Variants in TDRD12 observed in about 807,000 individuals in gnomAD.
TDRD12 encodes tudor domain containing 12.
TDRD12 carries 158 observed loss-of-function variants against 133.5 expected under a neutral mutation model. The observed-to-expected ratio is 1.18, with a 90% confidence interval of 1.04 to 1.35. The LOEUF (loss-of-function observed/expected upper bound fraction) is 1.35. Ranked by LOEUF, TDRD12 falls within the 40% of genes most tolerant of loss-of-function variation. TDRD12 has a pLI of 0.00. For synonymous variants in TDRD12, 460 were observed against 477.9 expected (o/e 0.96, Z 0.49); for missense variants, 1,443 against 1,321.3 (o/e 1.09, Z -1.43).
intron 3 of TDRD12, 121 bp downstream of exon 3, chr19:32,739,113 G>A: frequency 8.2e-7 from 1 of 1,216,944 alleles, no homozygotes; most frequent in Non-Finnish European, 1.1e-6. Flanking sequence ...CAAAACTGGA[G>A]TTCTTTAGCT....
chr19:32,803,934 C>T (rs1284655074), intron 21 of TDRD12, among the ~76,000 whole-genome samples: 6 of 152,008 alleles, frequency 3.9e-5, no homozygotes, highest in African/African-American at 7.2e-5. Flanking sequence ...CTTGGTTTGT[C>T]GGGGGGAGTA....
At chr19:32,822,032 G>A (rs1213551671), downstream of TDRD12, among the ~76,000 whole-genome samples, 5 of 152,058 alleles carry the variant, frequency 3.3e-5, no homozygotes, top group African/African-American at 1.2e-4. Context: ...AAGGTGGGAG[G>A]ATCAATTGAA....
At chr19:32,728,262 G>A (rs1968921488) in intron 1 of TDRD12, among the ~76,000 whole-genome samples, 1 of 152,074 alleles carries the variant, frequency 6.6e-6, no homozygotes, top group Admixed American at 6.6e-5. Flanking sequence ...GATTTCATGT[G>A]AATTTTAGAA....
At chr19:32,721,688 T>TTATGTTATGTTATGTTATG (rs1568440272) in intron 1 of TDRD12, among the ~76,000 whole-genome samples, 1 of 140,328 alleles carries the variant, frequency 7.1e-6, no homozygotes, top group African/African-American at 2.7e-5. Context: ...CCTATTTTAT[T>TTATGTTATGTTATGTTATG]TTATTTTATT....
At chr19:32,742,941 G>A (rs1339191071) in intron 4 of TDRD12, 41 bp downstream of exon 4, 8 of 1,547,940 alleles carry the variant, frequency 5.2e-6, no homozygotes, top group Non-Finnish European at 5.2e-6. Flanking sequence ...ATTAGTAAAA[G>A]CCTTCTATCA....
chr19:32,723,760 G>A (rs1465503511), intron 1 of TDRD12, among the ~76,000 whole-genome samples: 1 of 151,046 alleles, frequency 6.6e-6, no homozygotes, highest in African/African-American at 2.4e-5. Context: ...TACTTATTTA[G>A]ATCTTTCATT....
intron 11 of TDRD12, among the ~76,000 whole-genome samples, chr19:32,780,084 CTT>C (rs11395360): frequency 7.8e-5 from 10 of 127,746 alleles, no homozygotes; most frequent in Admixed American, 1.7e-4. Flanking sequence ...TTTTTCTTTT[CTT>C]TTTTTTTTTT....
At chr19:32,803,551 T>C (rs914628538) in intron 21 of TDRD12, among the ~76,000 whole-genome samples, 13 of 152,318 alleles carry the variant, frequency 8.5e-5, no homozygotes, top group African/African-American at 2.4e-4. Flanking sequence ...GCTATGATGT[T>C]TGAAGCTGTT....
chr19:32,819,717 G>A (rs1967313906), intron 27 of TDRD12, among the ~76,000 whole-genome samples: 1 of 152,204 alleles, frequency 6.6e-6, no homozygotes, highest in South Asian at 2.1e-4. Flanking sequence ...GGAGAACAGG[G>A]GATCCTGACA....
chr19:32,769,591 T>C (rs1043784670), intron 8 of TDRD12, among the ~76,000 whole-genome samples: 6 of 152,212 alleles, frequency 3.9e-5, no homozygotes, highest in Non-Finnish European at 8.8e-5. Context: ...ATTTCTCTTA[T>C]TATGAGTGCC....
At chr19:32,785,639 G>A (rs970812451) in intron 11 of TDRD12, among the ~76,000 whole-genome samples, 1 of 152,074 alleles carries the variant, frequency 6.6e-6, no homozygotes, top group African/African-American at 2.4e-5. Context: ...TATGAATCTA[G>A]TTAGCTCTTC....
chr19:32,761,421 C>T (rs981081722), intron 8 of TDRD12, among the ~76,000 whole-genome samples: 7 of 152,070 alleles, frequency 4.6e-5, no homozygotes, highest in African/African-American at 1.7e-4. Flanking sequence ...TGAGCTACTG[C>T]GCCTGGCCGA....
At chr19:32,739,835 C>A (rs1354958906) in intron 3 of TDRD12, among the ~76,000 whole-genome samples, 1 of 95,570 alleles carries the variant, frequency 1.0e-5, no homozygotes, top group African/African-American at 4.4e-5. Flanking sequence ...ATCTCCTGGG[C>A]ACTCTCTGCA....
chr19:32,760,000 G>A lies in TDRD12; in HGVS notation c.865+2870G>A, dbSNP rs113421827. On this transcript the variant is annotated intron_variant, in intron 8 of 27. Transcript: ENST00000444215. ...TATGCCTCTTGTAGGGGGTCCCCAG[G>A]TGAGAATTACAGCAGAAGGTAGCAC... 8.0e-3 allele frequency among the ~76,000 whole-genome samples: 1,226 copies of A among 152,358 alleles called. 16 individuals are homozygous for A. The highest frequency in any genetic ancestry group is 0.028 in the African/African-American group (1,162 of 41,580).
chr19:32,748,558 C>G, intron 5 of TDRD12, 27 bp downstream of exon 5: 1 of 1,544,434 alleles, frequency 6.5e-7, no homozygotes, highest in Non-Finnish European at 8.8e-7. Flanking sequence ...TCACTGCAGC[C>G]TGCCTGGAAG....
chr19:32,753,088 G>A (rs931913602), intron 6 of TDRD12, among the ~76,000 whole-genome samples: 4 of 151,646 alleles, frequency 2.6e-5, no homozygotes, highest in African/African-American at 9.7e-5. Flanking sequence ...CACCGCGCCC[G>A]GCCACTGGAA....
At chr19:32,747,105 T>C (rs953388119) in intron 4 of TDRD12, among the ~76,000 whole-genome samples, 2 of 151,032 alleles carry the variant, frequency 1.3e-5, no homozygotes, top group Non-Finnish European at 3.0e-5. Flanking sequence ...GGGGTTATTC[T>C]GTGTGTGTGA....
rs139060567 is a variant in TDRD12 at position 32,743,199 on chromosome 19, G to A, written c.440+299G>A. 9.8e-5 allele frequency among the ~76,000 whole-genome samples: 15 copies of A among 152,334 alleles called. No homozygotes were observed. In the South Asian group the frequency reaches 1.2e-3, roughly 13 times the overall value. ...GTATTATACATGTGTACACGCGCAC[G>A]CGCGCACGGTCTCACCCTTTTGCCC... is the stretch of plus-strand genomic sequence containing the variant. On this transcript the variant is annotated intron_variant, in intron 4 of 27. Coordinates refer to ENST00000444215, the Ensembl canonical transcript of TDRD12.
chr19:32,815,396 G>C (rs1967143121), intron 25 of TDRD12, 52 bp from the exon 26 acceptor site: 1 of 1,447,948 alleles, frequency 6.9e-7, no homozygotes, highest in Non-Finnish European at 9.3e-7. Context: ...CTATGCTTCA[G>C]TTAAAATTCA....
Sources: gnomAD v4.1 joint callset for allele counts (sites outside exome capture counted in the v4.1 genomes callset) on GRCh38, gnomAD v4.1.1 for gene constraint, MANE v1.5 for transcripts, NCBI Gene and HGNC (gene_info 2026-07-23, HGNC 2026-07-21) for gene names.